Variants in NLGN1 observed in about 807,000 individuals in gnomAD.
NLGN1 encodes neuroligin 1, also known as neuroligin-1.
Under a neutral mutation model 65.5 loss-of-function variants are expected in NLGN1, and 12 were observed. The observed-to-expected ratio is 0.18, with a 90% CI of 0.12 to 0.30. The LOEUF (loss-of-function observed/expected upper bound fraction) is 0.30, where lower values mean the gene tolerates loss of function less well. Ranked by LOEUF, NLGN1 falls within the 10% of genes least tolerant of loss-of-function variation. The probability of loss-of-function intolerance (pLI) is 1.00; values close to 1 mark genes in which losing one functional copy is unlikely to be tolerated. For missense variants in NLGN1, 750 were observed against 1,007.1 expected (o/e 0.74, Z 3.46); for synonymous variants, 350 against 359.5 (o/e 0.97, Z 0.30).
chr3:174,273,419 T>G (rs989820255), intron 4 of NLGN1, among the ~76,000 whole-genome samples: 3 of 151,814 alleles, frequency 2.0e-5, no homozygotes, highest in Middle Eastern at 3.4e-3. Context: ...GACCAAAACA[T>G]TTGTAAGAGA....
At chr3:173,487,218 C>T (rs1040808535) in intron 2 of NLGN1, among the ~76,000 whole-genome samples, 26 of 152,060 alleles carry the variant, frequency 1.7e-4, no homozygotes, top group Admixed American at 1.4e-3. Flanking sequence ...GTTCTCACCA[C>T]GTCAAACATG....
Position 173,967,171 on chromosome 3 carries a change from A to C in NLGN1, c.646+159339A>C, listed in dbSNP as rs189671481. ...AGGGTGGCGAAGCAGCTGACAGACT[A>C]GCTGAAATGGAGTGATTGTAAGCAC... is the stretch of plus-strand genomic sequence containing the variant. On this transcript the variant is annotated intron_variant, in intron 4 of 6. Transcript: ENST00000457714. 3.8e-4 allele frequency among the ~76,000 whole-genome samples: 58 copies of C among 152,318 alleles called. 1 individual carries two copies. Among genetic ancestry groups the C allele is most frequent in the African/African-American group, 1.3e-3 (55 of 41,582 alleles).
chr3:174,009,923 A>T (rs566004246), intron 4 of NLGN1, among the ~76,000 whole-genome samples: 1 of 152,124 alleles, frequency 6.6e-6, no homozygotes, highest in Non-Finnish European at 1.5e-5. Flanking sequence ...TGCATAGGGG[A>T]CAGGGCATGG....
At chr3:173,672,315 A>T (rs1260130374) in intron 3 of NLGN1, among the ~76,000 whole-genome samples, 2 of 152,138 alleles carry the variant, frequency 1.3e-5, no homozygotes, top group Non-Finnish European at 2.9e-5. Context: ...AATACAGAAA[A>T]TTTTTCAGAT....
intron 3 of NLGN1, among the ~76,000 whole-genome samples, chr3:173,663,350 A>C (rs1336046854): frequency 6.6e-6 from 1 of 152,088 alleles, no homozygotes. Context: ...TCCATGAATC[A>C]AAATTTTCTT....
intron 1 of NLGN1, among the ~76,000 whole-genome samples, chr3:173,430,046 A>G (rs540604673): frequency 3.3e-5 from 5 of 152,194 alleles, no homozygotes; most frequent in African/African-American, 1.2e-4. Context: ...TGTGGATTCA[A>G]GCAGAAATGT....
At chr3:173,503,856 A>G (rs561049428) in intron 2 of NLGN1, among the ~76,000 whole-genome samples, 19 of 152,042 alleles carry the variant, frequency 1.2e-4, no homozygotes, top group Non-Finnish European at 2.4e-4. Context: ...TTTCATGGGA[A>G]ATTCCATATG....
intron 4 of NLGN1, among the ~76,000 whole-genome samples, chr3:173,889,988 GGTGTGTGT>G (rs140428383): frequency 2.7e-5 from 4 of 147,646 alleles, no homozygotes; most frequent in Non-Finnish European, 4.5e-5. Context: ...TATGTATGAG[GGTGTGTGT>G]GTGTGTGTGT....
chr3:174,267,206 A>G (rs1481095293), intron 4 of NLGN1, among the ~76,000 whole-genome samples: 2 of 152,204 alleles, frequency 1.3e-5, no homozygotes, highest in African/African-American at 4.8e-5. Flanking sequence ...TATTTGGCTC[A>G]TGGTTCTGCA....
chr3:174,151,934 C>T (rs564050429), intron 4 of NLGN1, among the ~76,000 whole-genome samples: 1 of 152,164 alleles, frequency 6.6e-6, no homozygotes, highest in African/African-American at 2.4e-5. Flanking sequence ...ATACCATGAA[C>T]TTCCATATAC....
intron 4 of NLGN1, among the ~76,000 whole-genome samples, chr3:174,185,744 G>A (rs1731269469): frequency 6.6e-6 from 1 of 151,674 alleles, no homozygotes; most frequent in Non-Finnish European, 1.5e-5. Context: ...GAAATAGTGT[G>A]ATTTGAATGT....
intron 3 of NLGN1, among the ~76,000 whole-genome samples, chr3:173,749,138 T>G (rs1232295955): frequency 2.6e-5 from 4 of 152,126 alleles, no homozygotes; most frequent in Non-Finnish European, 4.4e-5. Flanking sequence ...GTGTACAAAC[T>G]ATCTTGAAAA....
At chr3:174,098,627 G>A (rs1251213477) in intron 4 of NLGN1, among the ~76,000 whole-genome samples, 2 of 152,136 alleles carry the variant, frequency 1.3e-5, no homozygotes, top group Admixed American at 1.3e-4. Context: ...AGACTTCCCT[G>A]TGCATTGAAA....
chr3:173,888,874 A>G (rs1166965462), intron 4 of NLGN1, among the ~76,000 whole-genome samples: 4 of 152,134 alleles, frequency 2.6e-5, no homozygotes, highest in Non-Finnish European at 5.9e-5. Context: ...TCACTTGAAT[A>G]TGGACTATTG....
At chr3:173,767,549 T>C (rs539158928) in intron 3 of NLGN1, among the ~76,000 whole-genome samples, 2 of 152,048 alleles carry the variant, frequency 1.3e-5, no homozygotes, top group Non-Finnish European at 2.9e-5. Flanking sequence ...CAGAGAATTA[T>C]CCAGAAAGTT....
intron 4 of NLGN1, among the ~76,000 whole-genome samples, chr3:174,131,468 C>T (rs1333245317): frequency 6.6e-6 from 1 of 152,092 alleles, no homozygotes; most frequent in African/African-American, 2.4e-5. Context: ...ACATGGTGGC[C>T]ACAAAGTTTT....
chr3:173,599,322 A>G (rs1051582319), intron 2 of NLGN1, among the ~76,000 whole-genome samples: 2 of 152,192 alleles, frequency 1.3e-5, no homozygotes, highest in African/African-American at 4.8e-5. Context: ...CAACAGCAGA[A>G]GAAGGATATG....
At chr3:173,514,427 T>C (rs996542881) in intron 2 of NLGN1, among the ~76,000 whole-genome samples, 2 of 152,170 alleles carry the variant, frequency 1.3e-5, no homozygotes, top group Non-Finnish European at 2.9e-5. Flanking sequence ...CATTATATCA[T>C]TCTTAGGCCT....
chr3:173,807,866 A>G, intron 4 of NLGN1, 34 bp downstream of exon 4: 3 of 1,594,176 alleles, frequency 1.9e-6, no homozygotes, highest in Non-Finnish European at 2.6e-6. Context: ...TTCACCATGA[A>G]TCCATGAAGT....
Sources: allele counts gnomAD v4.1 joint callset (sites outside exome capture counted in the v4.1 genomes callset), GRCh38; gene constraint gnomAD v4.1.1; transcripts MANE v1.5; gene names NCBI Gene and HGNC (gene_info 2026-07-23, HGNC 2026-07-21).